Variants in DDX4 observed in about 807,000 individuals in gnomAD.
DDX4 encodes the protein probable ATP-dependent RNA helicase DDX4.
In DDX4, 25 loss-of-function variants were observed where a neutral mutation model predicts 100.0. The ratio of observed to expected loss-of-function variants is 0.25; its 90% CI spans 0.18 to 0.35. The LOEUF is 0.35. DDX4 is among the 10% of genes least tolerant of loss of function. The pLI, the probability that DDX4 is intolerant of heterozygous loss-of-function variation, is 1.00. For synonymous variants in DDX4, 259 were observed against 275.7 expected (o/e 0.94, Z 0.60); for missense variants, 635 against 882.4 (o/e 0.72, Z 3.55).
chr5:55,744,069 TACC>T (rs906301410), intron 2 of DDX4, among the ~76,000 whole-genome samples: 5 of 152,166 alleles, frequency 3.3e-5, no homozygotes, highest in African/African-American at 1.2e-4. Context: ...CTGTAGCAAT[TACC>T]AAAACCCCAA....
chr5:55,788,490 A>G (rs553475585), intron 15 of DDX4, among the ~76,000 whole-genome samples: 1 of 152,266 alleles, frequency 6.6e-6, no homozygotes, highest in South Asian at 2.1e-4. Flanking sequence ...AATTTAAAAA[A>G]CAGATAATAC....
chr5:55,745,159 G>A (rs1450647357), intron 2 of DDX4, among the ~76,000 whole-genome samples: 1 of 152,132 alleles, frequency 6.6e-6, no homozygotes, highest in South Asian at 2.1e-4. Context: ...TGGATTACAG[G>A]TGTGAGCCAC....
At position 55,785,279 on chromosome 5, in the gene DDX4, T is replaced by TA. The variant is rs770131174; in HGVS notation, c.626-17dup. On this transcript the variant is annotated splice_polypyrimidine_tract_variant and intron_variant, in intron 10 of 21. Coordinates refer to ENST00000505374, the MANE Select transcript of DDX4 (RefSeq NM_024415.3). Reference sequence around the variant, plus strand: ...CCTTACATCTTGACCGATTGTCACTTATGAATTTCTTTAATAGGTGGTTAC... The same window carrying TA: ...CCTTACATCTTGACCGATTGTCACTTAATGAATTTCTTTAATAGGTGGTTAC... 3.2e-6 allele frequency: 5 copies of TA among 1,554,196 alleles called. No individual in the cohort carries two copies. The South Asian group carries it at 4.5e-5, about 14-fold the overall frequency.
chr5:55,764,154 A>G (rs1289989748), intron 6 of DDX4, 90 bp downstream of exon 6: 35 of 970,548 alleles, frequency 3.6e-5, no homozygotes, highest in Non-Finnish European at 5.5e-5. Flanking sequence ...AGTCCGGGCC[A>G]ATTCTAACTT....
chr5:55,805,551 C>T (rs932100514), intron 18 of DDX4, among the ~76,000 whole-genome samples: 1 of 152,054 alleles, frequency 6.6e-6, no homozygotes, highest in Non-Finnish European at 1.5e-5. Flanking sequence ...TGAATTTTGT[C>T]AAAGGCCTTT....
intron 7 of DDX4, chr5:55,777,328 G>T (rs949941538): frequency 3.3e-5 from 5 of 152,118 alleles, no homozygotes; most frequent in African/African-American, 1.2e-4. Context: ...AAGAGGTCAG[G>T]CATGGTGGCT....
rs751695480 is a variant in DDX4, at chr5:55,746,270, A to C, written c.127+49A>C. ...AAACCCTTTTTAGTTTAAGGGTTTC[A>C]TCTAGTGAATGAAGAGCAGCAGACT... On this transcript the variant is annotated intron_variant, in intron 3 of 21. Transcript: ENST00000505374. 5 of 1,522,332 alleles carry C rather than the reference A, an allele frequency of 3.3e-6. No homozygotes were observed. The Admixed American group carries it at 9.8e-5, about 30-fold the overall frequency. The allele number at this position is 1,522,332 out of a possible 1,614,324, so 94.3% of individuals were successfully genotyped here.
At chr5:55,743,430 CTCTT>C (rs989331515) in intron 2 of DDX4, among the ~76,000 whole-genome samples, 2 of 152,030 alleles carry the variant, frequency 1.3e-5, no homozygotes, top group Non-Finnish European at 2.9e-5. Context: ...CCTTTTCTCT[CTCTT>C]TCTTTTCTTT....
chr5:55,758,109 C>A (rs557081176), intron 3 of DDX4, among the ~76,000 whole-genome samples: 5 of 152,238 alleles, frequency 3.3e-5, no homozygotes, highest in African/African-American at 9.6e-5. Flanking sequence ...CTGTTATGAA[C>A]AAACTCTCAT....
At chr5:55,762,032 T>A (rs1476414462) in intron 4 of DDX4, among the ~76,000 whole-genome samples, 5 of 152,246 alleles carry the variant, frequency 3.3e-5, no homozygotes, top group Admixed American at 3.3e-4. Context: ...GAAGTATGTC[T>A]GAGTAGCTTG....
chr5:55,745,845 C>T (rs1759220297), intron 2 of DDX4, among the ~76,000 whole-genome samples: 1 of 152,196 alleles, frequency 6.6e-6, no homozygotes, highest in Non-Finnish European at 1.5e-5. Context: ...TAGGCCTTAC[C>T]TGTCTGTCAC....
intron 14 of DDX4, among the ~76,000 whole-genome samples, 171 bp from the exon 15 acceptor site, chr5:55,787,675 A>G (rs1403502273): frequency 6.6e-6 from 1 of 152,224 alleles, no homozygotes; most frequent in African/African-American, 2.4e-5. Flanking sequence ...AAGAGCATAA[A>G]GACATAAATG....
At chr5:55,748,849 G>A (rs949349522) in intron 3 of DDX4, among the ~76,000 whole-genome samples, 4 of 152,182 alleles carry the variant, frequency 2.6e-5, no homozygotes, top group African/African-American at 7.2e-5. Flanking sequence ...ATACATGATC[G>A]TATGCCACTG....
intron 7 of DDX4, among the ~76,000 whole-genome samples, chr5:55,775,372 T>G (rs1488844189): frequency 6.6e-6 from 1 of 152,234 alleles, no homozygotes; most frequent in Non-Finnish European, 1.5e-5. Flanking sequence ...ACTTACAAGT[T>G]GAGTTGCCGG....
rs1744342342 is a variant in DDX4, at chr5:55,815,441, C to T, written c.2097+18C>T. On this transcript the variant is annotated intron_variant, in intron 21 of 21. Transcript: ENST00000505374. Reference sequence around the variant, plus strand: ...CCAGAAAGGTTAGTAGAAAGGAAAACTTGAGAACTTGTCTTCTAGTTACTC... The same window carrying T: ...CCAGAAAGGTTAGTAGAAAGGAAAATTTGAGAACTTGTCTTCTAGTTACTC... 6 of 1,595,848 alleles carry T rather than the reference C, an allele frequency of 3.8e-6. No homozygotes were observed. The South Asian group carries it at 6.9e-5, about 18-fold the overall frequency.
intron 7 of DDX4, 37 bp from the exon 8 acceptor site, chr5:55,779,927 G>A (rs1445282222): frequency 3.1e-6 from 5 of 1,592,436 alleles, no homozygotes; most frequent in African/African-American, 1.4e-5. Flanking sequence ...CTTTGTTGTT[G>A]TTTTGTGTTG....
chr5:55,780,982 A>G (rs1454903971), intron 8 of DDX4, 84 bp from the exon 9 acceptor site: 1 of 1,248,200 alleles, frequency 8.0e-7, no homozygotes, highest in East Asian at 2.4e-5. Context: ...TTCTGATACC[A>G]TAACTTGATT....
intron 6 of DDX4, among the ~76,000 whole-genome samples, chr5:55,765,414 ATATATAT>A (rs1561489859): frequency 1.5e-5 from 1 of 64,776 alleles, no homozygotes; most frequent in East Asian, 5.3e-4. Flanking sequence ...AAAAAAAAAA[ATATATAT>A]ATATATATAT....
intron 6 of DDX4, among the ~76,000 whole-genome samples, chr5:55,764,398 T>C (rs941097277): frequency 6.6e-6 from 1 of 152,164 alleles, no homozygotes; most frequent in Admixed American, 6.5e-5. Context: ...ATGTATAGGG[T>C]CACATTTAGA....
Sources: gnomAD v4.1 joint callset for allele counts (sites outside exome capture counted in the v4.1 genomes callset) on GRCh38, gnomAD v4.1.1 for gene constraint, MANE v1.5 for transcripts, NCBI Gene and HGNC (gene_info 2026-07-23, HGNC 2026-07-21) for gene names.